GALNT18: variants seen among roughly 807,000 people sequenced by gnomAD.
GALNT18 encodes the protein polypeptide N-acetylgalactosaminyltransferase 18.
GALNT18 carries 44 observed loss-of-function variants against 69.5 expected under a neutral mutation model. The observed-to-expected ratio is 0.63, with a 90% CI of 0.50 to 0.81. The LOEUF is 0.81. Among genes scored for constraint, GALNT18 ranks in the 40% least tolerant of loss-of-function variants. GALNT18 has a pLI of 0.00. For synonymous variants in GALNT18, 364 were observed against 318.2 expected (o/e 1.14, Z -1.53); for missense variants, 715 against 810.0 (o/e 0.88, Z 1.42).
At position 11,387,084 on chromosome 11, in the gene GALNT18, C is replaced by T. The variant is rs762643707; in HGVS notation, c.596-7820G>A. On this transcript the variant is annotated intron_variant, in intron 3 of 10. Coordinates refer to ENST00000227756, the MANE Select transcript of GALNT18 (RefSeq NM_198516.3). This position sits in a 1 kb window ranked among gnomAD's most constrained non-coding sequence, Gnocchi z 4.6. ...ACAAAAAGGCACCTCCTGCCAAATA[C>T]GTGTGGTTCCAGCCCATAACACAAG... 7.9e-5 allele frequency among the ~76,000 whole-genome samples: 12 copies of T among 152,184 alleles called. No homozygotes were observed. Among genetic ancestry groups the T allele is most frequent in the Non-Finnish European group, 1.3e-4 (9 of 68,036 alleles).
At position 11,435,235 on chromosome 11, in the gene GALNT18, G is replaced by A. The variant is rs1482674752; in HGVS notation, c.429-2448C>T. On this transcript the variant is annotated intron_variant, in intron 2 of 10. Transcript: ENST00000227756. This position sits in a 1 kb window ranked among gnomAD's most constrained non-coding sequence, Gnocchi z 4.4. ...AATTTCCAGGGTGTTCAGAGATGGG[G>A]GTTAACTACTTCCCCCTACTCTCTT... is the stretch of plus-strand genomic sequence containing the variant. 2.0e-5 allele frequency among the ~76,000 whole-genome samples: 3 copies of A among 152,056 alleles called. No homozygotes were observed. The highest frequency in any genetic ancestry group is 4.4e-5 in the Non-Finnish European group (3 of 68,016).
intron 6 of GALNT18, among the ~76,000 whole-genome samples, chr11:11,344,808 C>T (rs1456436016): frequency 6.6e-6 from 1 of 152,026 alleles, no homozygotes; most frequent in Non-Finnish European, 1.5e-5. Context: ...TGGGGACAGG[C>T]CATCTGGGCC....
chr11:11,407,118 C>G (rs1404603086), intron 3 of GALNT18, among the ~76,000 whole-genome samples: 1 of 152,294 alleles, frequency 6.6e-6, no homozygotes, highest in African/African-American at 2.4e-5. Context: ...GATTGCCAAG[C>G]CCAGGACTTG....
chr11:11,315,257 T>G lies in GALNT18; in HGVS notation c.1512+11829A>C, dbSNP rs922427937. ...GTCACAAGCTAACCAGTGGTGGAGC[T>G]GAGATTCACAGCCAGGTGGACCTAG... On this transcript the variant is annotated intron_variant, in intron 9 of 10. Coordinates refer to ENST00000227756, the MANE Select transcript of GALNT18 (RefSeq NM_198516.3). The surrounding 1 kb of genome is among the most constrained non-coding windows in gnomAD (Gnocchi z 5.6). Among the ~76,000 whole-genome samples the G allele has an allele frequency of 4.6e-5, 7 of 152,170 alleles. No individual in the cohort carries two copies. Among genetic ancestry groups the G allele is most frequent in the Non-Finnish European group, 1.0e-4 (7 of 68,024 alleles).
chr11:11,362,933 C>A (rs989694991), intron 6 of GALNT18, among the ~76,000 whole-genome samples: 4 of 152,060 alleles, frequency 2.6e-5, no homozygotes, highest in African/African-American at 7.2e-5. Context: ...ATTGGTAGAA[C>A]AAACTATAAA....
At chr11:11,593,573 A>T (rs1453724638) in intron 1 of GALNT18, among the ~76,000 whole-genome samples, 4 of 152,158 alleles carry the variant, frequency 2.6e-5, no homozygotes, top group East Asian at 1.9e-4. Flanking sequence ...GCCAGACCAC[A>T]TCTAATTTTT....
At position 11,500,351 on chromosome 11, in the gene GALNT18, C is replaced by T. The variant is rs141885802; in HGVS notation, c.236-51415G>A. 2.1e-4 allele frequency among the ~76,000 whole-genome samples: 32 copies of T among 152,310 alleles called. No individual in the cohort carries two copies. Among genetic ancestry groups the T allele is most frequent in the African/African-American group, 7.5e-4 (31 of 41,562 alleles). The stretch of plus-strand genomic sequence containing the variant: ...ATTTCTTCACTTCTTTCTTGAGTGG[C>T]TTTAGGTACATGTCTGAACCTTTCT... On this transcript the variant is annotated intron_variant, in intron 1 of 10. Transcript: ENST00000227756. The surrounding 1 kb of genome is among the most constrained non-coding windows in gnomAD (Gnocchi z 5.0).
chr11:11,568,464 A>G (rs1295276618), intron 1 of GALNT18, among the ~76,000 whole-genome samples: 1 of 152,160 alleles, frequency 6.6e-6, no homozygotes, highest in East Asian at 1.9e-4. Flanking sequence ...CTTCCCGGCA[A>G]CACCCTTAGT....
chr11:11,312,060 C>T (rs550702266), intron 9 of GALNT18, among the ~76,000 whole-genome samples: 6 of 152,290 alleles, frequency 3.9e-5, no homozygotes, highest in South Asian at 4.1e-4. Context: ...GGGTTCACGC[C>T]GTTCTCCTGT....
At chr11:11,346,798 C>T (rs1454672234) in intron 6 of GALNT18, among the ~76,000 whole-genome samples, 1 of 152,110 alleles carries the variant, frequency 6.6e-6, no homozygotes, top group African/African-American at 2.4e-5. Flanking sequence ...GTACTGTTAT[C>T]GCTTCTGAAG....
chr11:11,297,255 A>T (rs1849417897), intron 9 of GALNT18, among the ~76,000 whole-genome samples: 2 of 152,176 alleles, frequency 1.3e-5, no homozygotes, highest in South Asian at 4.1e-4. Flanking sequence ...AAGGTATAAT[A>T]AAAGCTAACA....
intron 3 of GALNT18, among the ~76,000 whole-genome samples, chr11:11,407,980 A>C (rs535819492): frequency 6.6e-6 from 1 of 152,230 alleles, no homozygotes; most frequent in Non-Finnish European, 1.5e-5. Context: ...CATTGTGTCT[A>C]AGATGTAGCC....
chr11:11,306,527 G>T (rs894593522), intron 9 of GALNT18, among the ~76,000 whole-genome samples: 1 of 152,162 alleles, frequency 6.6e-6, no homozygotes, highest in Non-Finnish European at 1.5e-5. Flanking sequence ...AATATAACCT[G>T]CTTTCCTCCA....
intron 1 of GALNT18, among the ~76,000 whole-genome samples, chr11:11,512,878 C>T (rs1040446174): frequency 2.0e-5 from 3 of 152,216 alleles, no homozygotes; most frequent in African/African-American, 7.2e-5. Flanking sequence ...GACACTAACT[C>T]CTCTCATCAC....
chr11:11,302,323 G>A (rs1025288077), intron 9 of GALNT18, among the ~76,000 whole-genome samples: 7 of 152,326 alleles, frequency 4.6e-5, no homozygotes, highest in Admixed American at 1.3e-4. Context: ...CCATTTTACT[G>A]GGATTGCTGG....
At chr11:11,422,599 CT>C (rs1855035269) in intron 3 of GALNT18, among the ~76,000 whole-genome samples, 2 of 151,126 alleles carry the variant, frequency 1.3e-5, no homozygotes, top group African/African-American at 4.9e-5. Flanking sequence ...TTGGACCATT[CT>C]TTTCCTCTGT....
intron 1 of GALNT18, among the ~76,000 whole-genome samples, chr11:11,609,263 T>A (rs1231501969): frequency 1.3e-5 from 2 of 150,748 alleles, no homozygotes; most frequent in Non-Finnish European, 2.9e-5. Context: ...AACCCGCCCC[T>A]CTCTGGCTTC....
chr11:11,548,531 G>A (rs1858118288), intron 1 of GALNT18, among the ~76,000 whole-genome samples: 2 of 152,126 alleles, frequency 1.3e-5, no homozygotes, highest in Admixed American at 1.3e-4. Flanking sequence ...TCTGACATCT[G>A]GACCTCCTGG....
chr11:11,350,151 G>T (rs1186080244), intron 6 of GALNT18, among the ~76,000 whole-genome samples: 2 of 152,206 alleles, frequency 1.3e-5, no homozygotes, highest in Non-Finnish European at 2.9e-5. Flanking sequence ...AGGCTGTTTT[G>T]CAGGAATCTG....
Sources: allele counts gnomAD v4.1 joint callset (sites outside exome capture counted in the v4.1 genomes callset), GRCh38; gene constraint gnomAD v4.1.1; non-coding constraint Gnocchi (gnomAD v3.1); transcripts MANE v1.5; gene names NCBI Gene and HGNC (gene_info 2026-07-23, HGNC 2026-07-21).